The following FSTL5 variants were observed in gnomAD, a reference collection of about 807,000 sequenced individuals.
FSTL5 encodes the protein follistatin-related protein 5.
Under a neutral mutation model 89.1 loss-of-function variants are expected in FSTL5, and 62 were observed. That is an observed-to-expected ratio of 0.70 (90% CI 0.57 to 0.86). FSTL5 has a LOEUF of 0.86. Among genes scored for constraint, FSTL5 ranks in the 40% least tolerant of loss-of-function variants. The pLI is 0.00. For missense variants in FSTL5, 1,057 were observed against 1,001.6 expected, an observed-to-expected ratio of 1.06 and a Z score of -0.75; for synonymous variants, 383 against 346.2, an observed-to-expected ratio of 1.11 and a Z score of -1.18.
chr4:161,872,053 G>A (rs1318073958), intron 4 of FSTL5, among the ~76,000 whole-genome samples: 1 of 149,168 alleles, frequency 6.7e-6, no homozygotes, highest in Non-Finnish European at 1.5e-5. Flanking sequence ...GTGCAGTGGT[G>A]TGATCTCGGC....
chr4:161,606,660 CTTAAGAAATAATGTTCAGAGTAAT>C (rs921576089), intron 7 of FSTL5, among the ~76,000 whole-genome samples: 6 of 152,038 alleles, frequency 3.9e-5, no homozygotes, highest in Admixed American at 3.3e-4. Flanking sequence ...GTTTCGTTTT[CTTAAGAAATAATGTTCAGAGTAAT>C]TCATAGGAGT....
At chr4:162,066,367 T>TCTTCTTCTTCTTCTC (rs1561000598) in intron 2 of FSTL5, among the ~76,000 whole-genome samples, 1 of 136,470 alleles carries the variant, frequency 7.3e-6, no homozygotes, top group African/African-American at 2.7e-5. Flanking sequence ...TTCTTCTTCT[T>TCTTCTTCTTCTTCTC]CTTCTCCTTC....
At chr4:161,884,304 G>A (rs1164581779) in intron 4 of FSTL5, among the ~76,000 whole-genome samples, 1 of 152,052 alleles carries the variant, frequency 6.6e-6, no homozygotes, top group Non-Finnish European at 1.5e-5. Context: ...TTTCAAACTG[G>A]TGTTTCCCAT....
chr4:161,714,233 G>A (rs1035294224), intron 6 of FSTL5, among the ~76,000 whole-genome samples: 3 of 151,874 alleles, frequency 2.0e-5, no homozygotes, highest in Non-Finnish European at 4.4e-5. Context: ...AATGATCTGA[G>A]GTCACTTCAT....
intron 3 of FSTL5, among the ~76,000 whole-genome samples, chr4:162,013,323 A>G (rs1355843902): frequency 1.3e-5 from 2 of 152,174 alleles, no homozygotes; most frequent in Non-Finnish European, 2.9e-5. Flanking sequence ...TGGAGATTAG[A>G]TGGAGGAACT....
chr4:161,444,665 T>C (rs995263584), intron 15 of FSTL5, among the ~76,000 whole-genome samples: 4 of 151,802 alleles, frequency 2.6e-5, no homozygotes, highest in Non-Finnish European at 5.9e-5. Flanking sequence ...CACAAAAATA[T>C]GGTGTAGATC....
chr4:162,067,982 A>T (rs1174938669), intron 2 of FSTL5, among the ~76,000 whole-genome samples: 1 of 152,060 alleles, frequency 6.6e-6, no homozygotes, highest in South Asian at 2.1e-4. Context: ...CTGAGAATAC[A>T]GTTAACAAGG....
intron 7 of FSTL5, among the ~76,000 whole-genome samples, chr4:161,646,250 GCTCT>G (rs1021459993): frequency 1.8e-4 from 27 of 146,754 alleles, no homozygotes; most frequent in African/African-American, 3.5e-4. Context: ...ATTTTTTCTA[GCTCT>G]CTCTCTATAT....
intron 6 of FSTL5, among the ~76,000 whole-genome samples, chr4:161,707,970 T>G (rs1738639996): frequency 6.6e-6 from 1 of 151,648 alleles, no homozygotes; most frequent in East Asian, 1.9e-4. Context: ...ATAAAGGCAT[T>G]GCTTATCAGT....
intron 7 of FSTL5, among the ~76,000 whole-genome samples, chr4:161,628,042 A>C (rs1386975063): frequency 6.6e-6 from 1 of 152,160 alleles, no homozygotes; most frequent in Non-Finnish European, 1.5e-5. Flanking sequence ...CTAGCTTTTA[A>C]TTCTTGCTTT....
chr4:161,661,230 G>T (rs1020869005), intron 6 of FSTL5, among the ~76,000 whole-genome samples: 4 of 152,074 alleles, frequency 2.6e-5, no homozygotes, highest in Admixed American at 2.6e-4. Flanking sequence ...CCAAGATTCT[G>T]CTTTTCTAAA....
At chr4:161,476,634 A>G (rs1220215694) in intron 13 of FSTL5, among the ~76,000 whole-genome samples, 2 of 152,094 alleles carry the variant, frequency 1.3e-5, no homozygotes, top group Admixed American at 6.5e-5. Flanking sequence ...TCACTTTCTA[A>G]TTTTTCTCCT....
intron 6 of FSTL5, among the ~76,000 whole-genome samples, chr4:161,714,461 A>G (rs1738907693): frequency 6.6e-6 from 1 of 152,214 alleles, no homozygotes; most frequent in Non-Finnish European, 1.5e-5. Flanking sequence ...TATCGTGAGT[A>G]ATAGAAAAAT....
At chr4:161,757,825 T>C (rs544823752) in intron 6 of FSTL5, among the ~76,000 whole-genome samples, 56 of 151,966 alleles carry the variant, frequency 3.7e-4, no homozygotes, top group South Asian at 1.5e-3. Context: ...CTCCATGTTG[T>C]CCAGGCTGGT....
At chr4:161,828,474 TTCTA>T (rs1424314601) in intron 4 of FSTL5, among the ~76,000 whole-genome samples, 6 of 152,212 alleles carry the variant, frequency 3.9e-5, no homozygotes, top group African/African-American at 1.4e-4. Flanking sequence ...TAGTCCTGCC[TTCTA>T]TCTGCCATTT....
In FSTL5 at chr4:162,054,069, C is replaced by G. The variant is rs112279740; in HGVS notation, c.127-20411G>C. Among the ~76,000 whole-genome samples, 227 of 151,786 alleles carry G rather than the reference C, an allele frequency of 1.5e-3. 1 individual carries two copies. Among genetic ancestry groups the G allele is most frequent in the African/African-American group, 5.1e-3 (213 of 41,496 alleles). On this transcript the variant is annotated intron_variant, in intron 2 of 15. Coordinates refer to ENST00000306100, the MANE Select transcript of FSTL5 (RefSeq NM_020116.5). ...GATAAAATATTTAGCAAAATGAATG[C>G]ACTGATACACACATTTGAGCACAAT...
chr4:161,681,478 T>C (rs895774580), intron 6 of FSTL5, among the ~76,000 whole-genome samples: 3 of 152,088 alleles, frequency 2.0e-5, no homozygotes, highest in African/African-American at 7.2e-5. Context: ...ATATATTGCA[T>C]TGACACTGAC....
chr4:161,607,103 CA>C (rs887348072), intron 7 of FSTL5, among the ~76,000 whole-genome samples: 2 of 152,074 alleles, frequency 1.3e-5, no homozygotes, highest in Non-Finnish European at 2.9e-5. Context: ...GTTTCACAAA[CA>C]GTGCGCTAAC....
intron 2 of FSTL5, among the ~76,000 whole-genome samples, chr4:162,041,650 C>T (rs1737964172): frequency 6.6e-6 from 1 of 151,598 alleles, no homozygotes; most frequent in Admixed American, 6.6e-5. Context: ...ATGTAATTTT[C>T]AGTAAGAAAA....
Sources: allele counts gnomAD v4.1 joint callset (sites outside exome capture counted in the v4.1 genomes callset), GRCh38; gene constraint gnomAD v4.1.1; transcripts MANE v1.5; gene names NCBI Gene and HGNC (gene_info 2026-07-23, HGNC 2026-07-21).